The following ZNF831 variants were observed in gnomAD, a reference collection of about 807,000 sequenced individuals.
ZNF831 encodes the protein chromosome 20 open reading frame 174.
In ZNF831, 59 loss-of-function variants were observed where a neutral mutation model predicts 95.8. The ratio of observed to expected loss-of-function variants is 0.62; its 90% CI spans 0.50 to 0.77. ZNF831 has a LOEUF of 0.77. Among genes scored for constraint, ZNF831 ranks in the 30% least tolerant of loss-of-function variants. ZNF831 has a pLI of 0.00. For synonymous variants in ZNF831, 961 were observed against 925.5 expected (o/e 1.04, Z -0.70); for missense variants, 2,205 against 2,164.0 (o/e 1.02, Z -0.38).
upstream of ZNF831, among the ~76,000 whole-genome samples, chr20:59,162,133 C>T (rs746497787): frequency 1.3e-5 from 2 of 151,996 alleles, no homozygotes; most frequent in Non-Finnish European, 2.9e-5. Context: ...GTTTAAGTTC[C>T]TTATAGATTC....
chr20:59,197,743 C>A (rs141696387), intron 3 of ZNF831, among the ~76,000 whole-genome samples: 2 of 152,170 alleles, frequency 1.3e-5, no homozygotes, highest in Admixed American at 1.3e-4. Flanking sequence ...TAAGCCTCAT[C>A]ATCAGCCCTG....
At chr20:59,153,320 C>G (rs750465366) in intron 2 of ZNF831, among the ~76,000 whole-genome samples, 6 of 152,230 alleles carry the variant, frequency 3.9e-5, no homozygotes, top group African/African-American at 7.2e-5. Flanking sequence ...TCAACAAGAT[C>G]TTAAGCCTGC....
chr20:59,214,236 T>C (rs1985533499), intron 4 of ZNF831, among the ~76,000 whole-genome samples: 1 of 152,166 alleles, frequency 6.6e-6, no homozygotes, highest in South Asian at 2.1e-4. Context: ...TGTGTGCCAT[T>C]TGGTTTTAGC....
chr20:59,228,801 C>T (rs901122205), intron 4 of ZNF831, among the ~76,000 whole-genome samples: 2 of 152,148 alleles, frequency 1.3e-5, no homozygotes, highest in African/African-American at 4.8e-5. Flanking sequence ...AAATGTTTAT[C>T]TTTTCTTTGT....
chr20:59,240,719 G>T (rs889348349), intron 4 of ZNF831, among the ~76,000 whole-genome samples: 2 of 152,046 alleles, frequency 1.3e-5, no homozygotes, highest in Non-Finnish European at 2.9e-5. Flanking sequence ...GGAGAATGGC[G>T]TGAACCCGGG....
At chr20:59,183,929 C>T (rs1312527858) in intron 1 of ZNF831, among the ~76,000 whole-genome samples, 1 of 152,140 alleles carries the variant, frequency 6.6e-6, no homozygotes, top group African/African-American at 2.4e-5. Context: ...CTAGGGTTCT[C>T]TCTTGGTATT....
Position 59,192,271 on chromosome 20 carries a change from G to T in ZNF831, c.1252G>T (p.Val418Leu). The T allele has an allele frequency of 6.3e-7, 1 of 1,591,376 alleles. No individual in the cohort carries two copies. The highest frequency in any genetic ancestry group is 8.6e-7 in the Non-Finnish European group (1 of 1,168,798). Residue 418 changes from valine to leucine, a missense_variant, in exon 2 of 6, where the codon GTG becomes TTG. Physicochemically the swap from Val to Leu is conservative, Grantham distance 32. Coordinates refer to ENST00000371030, the MANE Select transcript of ZNF831 (RefSeq NM_178457.3). The surrounding 1 kb of genome is among the most constrained non-coding windows in gnomAD (Gnocchi z 5.2). ...CCAGCTCATCTCCCACAACCAGGCG[G>T]TGGTGGACGATGCCCAGCTGGACAA... ...IAQLISHNQA[V>L]VDDAQLDNVR... is the part of the protein sequence containing the mutation.
intron 4 of ZNF831, among the ~76,000 whole-genome samples, chr20:59,238,775 A>G (rs886690437): frequency 2.0e-5 from 3 of 152,210 alleles, no homozygotes; most frequent in African/African-American, 7.2e-5. Context: ...AAATTTTATT[A>G]TCCACCTCAT....
intron 4 of ZNF831, among the ~76,000 whole-genome samples, chr20:59,219,349 G>A (rs894809910): frequency 6.6e-6 from 1 of 152,226 alleles, no homozygotes; most frequent in Non-Finnish European, 1.5e-5. Flanking sequence ...GCCAGGCAAT[G>A]TGTGGGAGCA....
At chr20:59,220,374 G>A (rs937010801) in intron 4 of ZNF831, among the ~76,000 whole-genome samples, 2 of 152,336 alleles carry the variant, frequency 1.3e-5, no homozygotes, top group South Asian at 2.1e-4. Flanking sequence ...CTGCTGCCTG[G>A]TCTTCACAAG....
At chr20:59,196,555 T>G (rs260007) in intron 3 of ZNF831, among the ~76,000 whole-genome samples, 10,140 of 152,216 alleles carry the variant, frequency 0.067, 909 homozygotes, top group African/African-American at 0.2. Context: ...GTCTTTCTCC[T>G]TTGCTTAAAA....
chr20:59,236,969 G>A (rs914202827), intron 4 of ZNF831, among the ~76,000 whole-genome samples: 1 of 152,110 alleles, frequency 6.6e-6, no homozygotes, highest in African/African-American at 2.4e-5. Context: ...TTACTGGAGT[G>A]TGGCCACCTC....
chr20:59,218,593 CT>C (rs1985863796), intron 4 of ZNF831, among the ~76,000 whole-genome samples: 1 of 148,560 alleles, frequency 6.7e-6, no homozygotes, highest in Non-Finnish European at 1.5e-5. Context: ...GTTAGCGTGA[CT>C]GTTTTTTTTT....
chr20:59,132,805 C>T (rs916424839), intron 1 of ZNF831, among the ~76,000 whole-genome samples: 5 of 152,244 alleles, frequency 3.3e-5, no homozygotes, highest in Non-Finnish European at 5.9e-5. Flanking sequence ...GGCTGAAGGC[C>T]GCTTCTCCAG....
intron 1 of ZNF831, among the ~76,000 whole-genome samples, chr20:59,127,410 G>C (rs1183880389): frequency 6.6e-6 from 1 of 152,010 alleles, no homozygotes; most frequent in Non-Finnish European, 1.5e-5. Context: ...TCTTCCTATG[G>C]CCTCCCTCTC....
intron 1 of ZNF831, among the ~76,000 whole-genome samples, chr20:59,135,399 A>C (rs534236126): frequency 6.6e-6 from 1 of 152,214 alleles, no homozygotes; most frequent in East Asian, 1.9e-4. Context: ...CAGCCTTGGC[A>C]ACATAGTAAG....
At chr20:59,224,049 G>A (rs963544804) in intron 4 of ZNF831, among the ~76,000 whole-genome samples, 4 of 152,210 alleles carry the variant, frequency 2.6e-5, no homozygotes, top group African/African-American at 4.8e-5. Context: ...GATGGATTAC[G>A]GGGAAACACG....
intron 4 of ZNF831, among the ~76,000 whole-genome samples, chr20:59,230,545 A>T (rs1986668031): frequency 6.6e-6 from 1 of 152,222 alleles, no homozygotes; most frequent in Non-Finnish European, 1.5e-5. Context: ...TTTCAATAAA[A>T]CTTTATTTAA....
rs114936787 is a variant in ZNF831 at position 59,232,280 on chromosome 20, C to T, written c.4028-20698C>T. Among the ~76,000 whole-genome samples, 724 of 151,728 alleles carry T rather than the reference C, an allele frequency of 4.8e-3. 8 individuals carry two copies. Among genetic ancestry groups the T allele is most frequent in the African/African-American group, 0.016 (666 of 41,286 alleles). ...CTACCTTTTTAAAGAAGAAAAAAAC[C>T]GCTTGATAAGTGCAAACTGACATTA... On this transcript the variant is annotated intron_variant, in intron 4 of 5. Coordinates refer to ENST00000371030, the MANE Select transcript of ZNF831 (RefSeq NM_178457.3).
Sources: allele counts gnomAD v4.1 joint callset (sites outside exome capture counted in the v4.1 genomes callset), GRCh38; gene constraint gnomAD v4.1.1; non-coding constraint Gnocchi (gnomAD v3.1); transcripts MANE v1.5; gene names NCBI Gene and HGNC (gene_info 2026-07-23, HGNC 2026-07-21).